The following MAP7D2 variants were observed in gnomAD, a reference collection of about 807,000 sequenced individuals.
MAP7D2 encodes the protein MAP7 domain containing 2, also known as MAP7 domain-containing protein 2.
MAP7D2 carries 33 observed loss-of-function variants against 63.5 expected under a neutral mutation model. That is an observed-to-expected ratio of 0.52 (90% CI 0.39 to 0.70). MAP7D2 has a LOEUF of 0.70. Ranked by LOEUF, MAP7D2 falls within the 30% of genes least tolerant of loss-of-function variation. The pLI, the probability that MAP7D2 is intolerant of heterozygous loss-of-function variation, is 0.00. For synonymous variants in MAP7D2, 224 were observed against 223.7 expected (o/e 1.00, Z -0.01); for missense variants, 626 against 604.0 (o/e 1.04, Z -0.38).
chrX:20,039,553 G>A (rs185440604), intron 8 of MAP7D2, among the ~76,000 whole-genome samples: 1 of 111,723 alleles, frequency 9.0e-6, no homozygotes, highest in Admixed American at 9.5e-5. Context: ...GGTTAATATT[G>A]AGTTTCAACT....
At chrX:20,039,122 A>G (rs751805746) in intron 8 of MAP7D2, among the ~76,000 whole-genome samples, 1 of 112,588 alleles carries the variant, frequency 8.9e-6, no homozygotes, top group African/African-American at 3.2e-5. Context: ...CTACGATCAC[A>G]GGACCAGTTG....
At chrX:20,084,072 G>A (rs952709966) in intron 1 of MAP7D2, among the ~76,000 whole-genome samples, 15 of 110,275 alleles carry the variant, frequency 1.4e-4, no homozygotes, top group Admixed American at 9.7e-4. Context: ...GTGGTGACAC[G>A]CGCCTGTAAT....
intron 6 of MAP7D2, among the ~76,000 whole-genome samples, chrX:20,049,250 A>G (rs1346227090): frequency 3.9e-5 from 4 of 103,635 alleles, no homozygotes; most frequent in African/African-American, 1.5e-4. Context: ...AGGTTCATCC[A>G]TCTTGTGGCA....
At chrX:20,014,437 G>A (rs2073311415) in intron 12 of MAP7D2, among the ~76,000 whole-genome samples, 1 of 111,016 alleles carries the variant, frequency 9.0e-6, no homozygotes, top group Non-Finnish European at 1.9e-5. Flanking sequence ...GTGTGGTGGT[G>A]TGCGCCTGTA....
At chrX:20,097,419 A>C (rs1354967656) in intron 1 of MAP7D2, among the ~76,000 whole-genome samples, 1 of 111,454 alleles carries the variant, frequency 9.0e-6, no homozygotes, top group Non-Finnish European at 1.9e-5. Context: ...GGGCCAAAAA[A>C]CAAGAGTGCT....
At position 20,061,674 on chromosome X, in the gene MAP7D2, T is replaced by C. The variant is rs1172347305; in HGVS notation, c.372+1740A>G. On this transcript the variant is annotated intron_variant, in intron 3 of 16. Transcript: ENST00000379643. ...TTCAGCTGCATCAGGACCAACCATA[T>C]GGCATAAAACTCCCTCACCTCCAAG... is the stretch of plus-strand genomic sequence containing the variant. Among the ~76,000 whole-genome samples the C allele has an allele frequency of 8.0e-5, 9 of 112,544 alleles. No individual in the cohort carries two copies. In the East Asian group the frequency reaches 2.5e-3, roughly 31 times the overall value.
chrX:20,025,960 AC>A lies in MAP7D2; in HGVS notation c.1008-9del, dbSNP rs757435397. ...TAAGCTTTAGTAGCTGTCCTGGAAA[AC>A]AAAAAATATGCCAGAGGATGATTAC... On this transcript the variant is annotated splice_polypyrimidine_tract_variant and intron_variant, in intron 8 of 16. Transcript: ENST00000379643. 8.3e-7 allele frequency: 1 copy of A among 1,207,755 alleles called. No homozygotes were observed. The highest frequency in any genetic ancestry group is 1.1e-6 in the Non-Finnish European group (1 of 892,977).
intron 1 of MAP7D2, among the ~76,000 whole-genome samples, chrX:20,110,017 G>C (rs1301402886): frequency 9.2e-6 from 1 of 108,579 alleles, no homozygotes; most frequent in African/African-American, 3.4e-5. Flanking sequence ...GCCTGGGCAA[G>C]AGGGTGAGAC....
At chrX:20,093,892 T>C (rs1310885390) in intron 1 of MAP7D2, among the ~76,000 whole-genome samples, 3 of 110,287 alleles carry the variant, frequency 2.7e-5, no homozygotes, top group African/African-American at 9.9e-5. Context: ...AGGGGTGAAT[T>C]GTATGACGTA....
Position 20,016,121 on chromosome X carries a change from T to C in MAP7D2, c.1617A>G (p.Lys539=), listed in dbSNP as rs2073379010. 2 of 1,209,124 alleles carry C rather than the reference T, an allele frequency of 1.7e-6. No individual in the cohort carries two copies. The highest frequency in any genetic ancestry group is 3.5e-5 in the African/African-American group (2 of 57,747). ...LLLKEKQEQE[K]QEKAMIEKQK... ...GCTTTTCAATCATGGCTTTCTCTTG[T>C]TTTTCTTGTTCTTGCTTTTCTTTCA... The change falls in exon 11 of 17, where the codon AAA becomes AAG. Residue 539 remains lysine, a synonymous_variant. Coordinates refer to ENST00000379643, the MANE Select transcript of MAP7D2 (RefSeq NM_001168465.2).
intron 8 of MAP7D2, among the ~76,000 whole-genome samples, chrX:20,040,148 C>G (rs936150560): frequency 9.0e-6 from 1 of 111,228 alleles, no homozygotes; most frequent in Non-Finnish European, 1.9e-5. Context: ...CTTGGACCTT[C>G]GACCACAGAC....
chrX:20,047,936 C>T lies in MAP7D2; in HGVS notation c.718+2888G>A, dbSNP rs376988401. On this transcript the variant is annotated intron_variant, in intron 6 of 16. Coordinates refer to ENST00000379643, the MANE Select transcript of MAP7D2 (RefSeq NM_001168465.2). ...CTTTAACTGCTAAGTCCCAGAACCC[C>T]TAAAGGACATAACTGAGATCAATAC... Among the ~76,000 whole-genome samples, 96 of 111,706 alleles carry T rather than the reference C, an allele frequency of 8.6e-4. 1 individual carries two copies. The highest frequency in any genetic ancestry group is 2.9e-3 in the African/African-American group (90 of 30,754).
At chrX:20,109,392 C>T (rs1282681206) in intron 1 of MAP7D2, among the ~76,000 whole-genome samples, 1 of 107,817 alleles carries the variant, frequency 9.3e-6, no homozygotes, top group Non-Finnish European at 1.9e-5. Context: ...TGGTGGTGCA[C>T]GCCTGTAGTC....
chrX:20,055,532 A>G (rs987551871), intron 4 of MAP7D2, among the ~76,000 whole-genome samples: 2 of 111,979 alleles, frequency 1.8e-5, no homozygotes, highest in African/African-American at 6.5e-5. Context: ...CCGGGGCACT[A>G]AGATGTAAGG....
At chrX:20,111,317 A>G (rs2066736762) in intron 1 of MAP7D2, among the ~76,000 whole-genome samples, 1 of 112,186 alleles carries the variant, frequency 8.9e-6, no homozygotes, top group Non-Finnish European at 1.9e-5. Flanking sequence ...TGTGCAGTAT[A>G]TAACTGCAGA....
intron 6 of MAP7D2, among the ~76,000 whole-genome samples, chrX:20,046,850 T>C (rs2064811451): frequency 8.9e-6 from 1 of 112,638 alleles, no homozygotes; most frequent in Non-Finnish European, 1.9e-5. Flanking sequence ...GATTATTGAA[T>C]AGGACATGGA....
chrX:20,028,578 T>C (rs1343185705), intron 8 of MAP7D2, among the ~76,000 whole-genome samples: 1 of 111,708 alleles, frequency 9.0e-6, no homozygotes, highest in Non-Finnish European at 1.9e-5. Context: ...TCAGTTAATA[T>C]GTATAAAGAT....
chrX:20,092,735 G>T lies in MAP7D2; in HGVS notation c.130+24015C>A, dbSNP rs771318395. Reference sequence around the variant, plus strand: ...TCACTTTTCAGCAAAACTTCAGAGGGCAAAGGGGAAGTTTCACTGAGTTCT... The same window carrying T: ...TCACTTTTCAGCAAAACTTCAGAGGTCAAAGGGGAAGTTTCACTGAGTTCT... On this transcript the variant is annotated intron_variant, in intron 1 of 16. Transcript: ENST00000379643. Among the ~76,000 whole-genome samples the T allele has an allele frequency of 8.0e-4, 90 of 112,390 alleles. 1 individual carries two copies. The highest frequency in any genetic ancestry group is 2.8e-3 in the African/African-American group (88 of 31,007).
chrX:20,056,846 C>A lies in MAP7D2; in HGVS notation c.373-55G>T. The A allele has an allele frequency of 1.0e-5, 11 of 1,063,494 alleles. No individual in the cohort carries two copies. In the South Asian group the frequency reaches 2.2e-4, roughly 21 times the overall value. 87.6% of individuals were successfully genotyped at this position (1,063,494 alleles called of 1,213,427 possible). ...CAAGATTAACTACCCAGCCCCACCA[C>A]ACTACCTGCTGCCTCAGTGCACAGT... On this transcript the variant is annotated intron_variant, in intron 3 of 16. Transcript: ENST00000379643.
Sources: gnomAD v4.1 joint callset for allele counts (sites outside exome capture counted in the v4.1 genomes callset) on GRCh38, gnomAD v4.1.1 for gene constraint, MANE v1.5 for transcripts, NCBI Gene and HGNC (gene_info 2026-07-23, HGNC 2026-07-21) for gene names.